CCSER1: variants seen among roughly 807,000 people sequenced by gnomAD.
CCSER1 encodes coiled-coil serine rich protein 1, also known as serine-rich coiled-coil domain-containing protein 1.
In CCSER1, 41 loss-of-function variants were observed where a neutral mutation model predicts 82.0. The observed-to-expected ratio is 0.50, with a 90% CI of 0.39 to 0.65. The LOEUF (loss-of-function observed/expected upper bound fraction) is 0.65. Ranked by LOEUF, CCSER1 falls within the 30% of genes least tolerant of loss-of-function variation. The probability of loss-of-function intolerance (pLI) is 0.00; values close to 1 mark genes in which losing one functional copy is unlikely to be tolerated. For synonymous variants in CCSER1, 414 were observed against 383.9 expected (o/e 1.08, Z -0.92); for missense variants, 1,119 against 1,064.2 (o/e 1.05, Z -0.72).
intron 10 of CCSER1, among the ~76,000 whole-genome samples, chr4:91,534,144 C>T (rs1230613958): frequency 6.6e-6 from 1 of 151,968 alleles, no homozygotes; most frequent in Non-Finnish European, 1.5e-5. Context: ...TTTTTTATAA[C>T]TTATTTAAAT....
chr4:91,224,218 G>A (rs963896711), intron 10 of CCSER1, among the ~76,000 whole-genome samples: 1 of 152,020 alleles, frequency 6.6e-6, no homozygotes, highest in African/African-American at 2.4e-5. Context: ...AAATCCACTC[G>A]CATCGGTCTA....
At chr4:91,171,708 T>C in intron 10 of CCSER1, among the ~76,000 whole-genome samples, 1 of 152,222 alleles carries the variant, frequency 6.6e-6, no homozygotes, top group African/African-American at 2.4e-5. Flanking sequence ...ATTGTGTATC[T>C]CATATAAAAG....
intron 5 of CCSER1, among the ~76,000 whole-genome samples, chr4:90,545,263 C>G (rs1175970530): frequency 6.6e-6 from 1 of 152,100 alleles, no homozygotes; most frequent in African/African-American, 2.4e-5. Flanking sequence ...ATATATGTGA[C>G]TTGACCAAAT....
In CCSER1 at chr4:90,957,184, C is replaced by T. The variant is rs559615474; in HGVS notation, c.2172+33737C>T. On this transcript the variant is annotated intron_variant, in intron 9 of 10. Transcript: ENST00000509176. ...GTGGCGCGATCTCGGCTCACTGCAA[C>T]CTCTGCCTCCCGGGTTCAAGCAATT... 1.4e-4 allele frequency among the ~76,000 whole-genome samples: 19 copies of T among 139,680 alleles called. No homozygotes were observed. In the South Asian group the frequency reaches 4.3e-3, roughly 32 times the overall value. 91.6% of individuals were successfully genotyped at this position (139,680 alleles called of 152,430 possible).
intron 10 of CCSER1, among the ~76,000 whole-genome samples, chr4:91,523,596 G>T: frequency 6.6e-6 from 1 of 152,172 alleles, no homozygotes. Context: ...TCCTGGTTTA[G>T]TCTTGGGAGG....
intron 5 of CCSER1, among the ~76,000 whole-genome samples, chr4:90,613,544 C>T (rs1253719763): frequency 6.6e-6 from 1 of 152,182 alleles, no homozygotes; most frequent in African/African-American, 2.4e-5. Flanking sequence ...TAAAGATTCA[C>T]ACTTCTGGGA....
intron 3 of CCSER1, among the ~76,000 whole-genome samples, chr4:90,331,488 T>A (rs1274519509): frequency 6.6e-6 from 1 of 152,148 alleles, no homozygotes; most frequent in Non-Finnish European, 1.5e-5. Context: ...TAAAAGAAAG[T>A]CTTGAATCTG....
intron 1 of CCSER1, among the ~76,000 whole-genome samples, chr4:90,145,376 A>T (rs1050527231): frequency 2.0e-5 from 3 of 152,164 alleles, no homozygotes; most frequent in African/African-American, 7.2e-5. Context: ...AGAAACAATA[A>T]GTGTACTCCT....
chr4:91,358,642 C>T (rs908135447), intron 10 of CCSER1, among the ~76,000 whole-genome samples: 2 of 152,136 alleles, frequency 1.3e-5, no homozygotes, highest in African/African-American at 2.4e-5. Flanking sequence ...GATCAGGCCA[C>T]GCTTCCACTC....
chr4:90,173,793 G>A (rs756836200), intron 1 of CCSER1, among the ~76,000 whole-genome samples: 2 of 151,894 alleles, frequency 1.3e-5, no homozygotes, highest in Non-Finnish European at 2.9e-5. Flanking sequence ...ATCTTCATAG[G>A]TCACTTAAGA....
chr4:90,965,091 G>C (rs1734433260), intron 9 of CCSER1, among the ~76,000 whole-genome samples: 1 of 152,044 alleles, frequency 6.6e-6, no homozygotes, highest in Non-Finnish European at 1.5e-5. Flanking sequence ...CCATTTACAA[G>C]ACTTGTTTTT....
chr4:90,567,403 G>T (rs58680133), intron 5 of CCSER1, among the ~76,000 whole-genome samples: 67 of 150,770 alleles, frequency 4.4e-4, no homozygotes, highest in African/African-American at 1.5e-3. Flanking sequence ...CGATTCTCCT[G>T]CCTCAGCCTT....
At chr4:90,433,958 C>G (rs1001609464) in intron 4 of CCSER1, among the ~76,000 whole-genome samples, 1 of 151,380 alleles carries the variant, frequency 6.6e-6, no homozygotes, top group East Asian at 1.9e-4. Context: ...ACTATTTTAC[C>G]ATATTCTCTT....
chr4:90,235,723 G>A (rs565081274), intron 1 of CCSER1, among the ~76,000 whole-genome samples: 9 of 152,022 alleles, frequency 5.9e-5, no homozygotes, highest in South Asian at 2.1e-4. Context: ...AAATACTAGA[G>A]TTCAAAAATT....
chr4:91,267,269 A>G (rs1331736939), intron 10 of CCSER1, among the ~76,000 whole-genome samples: 1 of 152,050 alleles, frequency 6.6e-6, no homozygotes, highest in Admixed American at 6.6e-5. Context: ...TTCATCTCTT[A>G]GTTCTTTGTT....
chr4:91,258,121 G>A (rs1035240619), intron 10 of CCSER1, among the ~76,000 whole-genome samples: 2 of 151,416 alleles, frequency 1.3e-5, no homozygotes, highest in Non-Finnish European at 2.9e-5. Context: ...AACAAATGCT[G>A]TGGTTGTTTA....
chr4:90,263,326 A>G (rs1424925971), intron 1 of CCSER1, among the ~76,000 whole-genome samples: 1 of 152,148 alleles, frequency 6.6e-6, no homozygotes, highest in Non-Finnish European at 1.5e-5. Context: ...CGTACTGGGG[A>G]TGTCTGCAAA....
intron 9 of CCSER1, among the ~76,000 whole-genome samples, chr4:91,077,113 G>C (rs916648605): frequency 1.3e-5 from 2 of 152,114 alleles, no homozygotes; most frequent in African/African-American, 2.4e-5. Flanking sequence ...AATTCCCAGG[G>C]GTCTCACAGG....
chr4:90,240,809 A>G (rs994642770), intron 1 of CCSER1, among the ~76,000 whole-genome samples: 6 of 152,112 alleles, frequency 3.9e-5, no homozygotes, highest in African/African-American at 1.2e-4. Flanking sequence ...GATTAGTCAC[A>G]TTATCCTAGT....
Sources: allele counts gnomAD v4.1 joint callset (sites outside exome capture counted in the v4.1 genomes callset), GRCh38; gene constraint gnomAD v4.1.1; transcripts MANE v1.5; gene names NCBI Gene and HGNC (gene_info 2026-07-23, HGNC 2026-07-21).